EEF1AKMT1: variants seen among roughly 807,000 people sequenced by gnomAD.
EEF1AKMT1 encodes the protein EEF1A lysine methyltransferase 1.
Under a neutral mutation model 21.0 loss-of-function variants are expected in EEF1AKMT1, and 18 were observed. The observed-to-expected ratio is 0.86, with a 90% confidence interval of 0.59 to 1.27. The LOEUF is 1.27. Among genes scored for constraint, EEF1AKMT1 ranks in the 50% most tolerant of loss-of-function variants. The pLI, the probability that EEF1AKMT1 is intolerant of heterozygous loss-of-function variation, is 0.00. For synonymous variants in EEF1AKMT1, 109 were observed against 94.8 expected (o/e 1.15, Z -0.87); for missense variants, 246 against 258.6 (o/e 0.95, Z 0.33).
At chr13:20,731,789 C>A in intron 4 of EEF1AKMT1, 52 bp downstream of exon 4, 28 of 1,557,240 alleles carry the variant, frequency 1.8e-5, no homozygotes, top group Non-Finnish European at 2.4e-5. Flanking sequence ...ACCCTGAAGA[C>A]CTGAATAGCC....
At chr13:20,736,888 C>T (rs1430907963) in intron 3 of EEF1AKMT1, among the ~76,000 whole-genome samples, 2 of 151,536 alleles carry the variant, frequency 1.3e-5, no homozygotes, top group Non-Finnish European at 2.9e-5. Context: ...CAGGATGCAC[C>T]ACCACGCCCA....
At chr13:20,734,020 G>T (rs1595011471) in intron 3 of EEF1AKMT1, among the ~76,000 whole-genome samples, 1 of 152,242 alleles carries the variant, frequency 6.6e-6, no homozygotes, top group East Asian at 1.9e-4. Context: ...CTGCTGGCAG[G>T]ACACAACTCT....
At chr13:20,737,267 GGCAAGAGAATT>G (rs1367501331) in intron 3 of EEF1AKMT1, among the ~76,000 whole-genome samples, 5 of 152,082 alleles carry the variant, frequency 3.3e-5, no homozygotes, top group Non-Finnish European at 7.4e-5. Flanking sequence ...GGGAGGCTGA[GGCAAGAGAATT>G]GCTTGAATCT....
At chr13:20,765,415 T>TTTTTG (rs1566539272) in intron 1 of EEF1AKMT1, among the ~76,000 whole-genome samples, 6 of 127,618 alleles carry the variant, frequency 4.7e-5, no homozygotes, top group African/African-American at 1.8e-4. Flanking sequence ...GTTTTTTTTT[T>TTTTTG]TTTTTTTTTT....
intron 2 of EEF1AKMT1, among the ~76,000 whole-genome samples, chr13:20,739,178 G>T (rs2058851661): frequency 7.1e-6 from 1 of 140,096 alleles, no homozygotes; most frequent in African/African-American, 3.1e-5. Context: ...GTTGTTCTTT[G>T]CTCCCAGTGG....
At chr13:20,734,372 C>G (rs1251523029) in intron 3 of EEF1AKMT1, among the ~76,000 whole-genome samples, 3 of 152,000 alleles carry the variant, frequency 2.0e-5, no homozygotes, top group Non-Finnish European at 4.4e-5. Flanking sequence ...GTGTTGAAAG[C>G]CTAGCTTTGC....
chr13:20,754,913 A>T (rs976858828), intron 2 of EEF1AKMT1, among the ~76,000 whole-genome samples: 4 of 152,140 alleles, frequency 2.6e-5, no homozygotes, highest in African/African-American at 9.7e-5. Flanking sequence ...ATTAAAAAAA[A>T]AAATTGGCCA....
chr13:20,733,599 G>A (rs1474314166), intron 3 of EEF1AKMT1, among the ~76,000 whole-genome samples: 1 of 152,162 alleles, frequency 6.6e-6, no homozygotes, highest in Admixed American at 6.5e-5. Context: ...TGATCTCTGA[G>A]ATCTATTCAA....
At chr13:20,733,971 G>A (rs1293100113) in intron 3 of EEF1AKMT1, among the ~76,000 whole-genome samples, 2 of 152,176 alleles carry the variant, frequency 1.3e-5, no homozygotes, top group African/African-American at 4.8e-5. Context: ...AATAGAACCC[G>A]TGACATCGCA....
intron 3 of EEF1AKMT1, among the ~76,000 whole-genome samples, chr13:20,733,254 C>T (rs2058808674): frequency 6.6e-6 from 1 of 152,070 alleles, no homozygotes; most frequent in Non-Finnish European, 1.5e-5. Context: ...CGCCACCACG[C>T]CTGGCTAATT....
intron 3 of EEF1AKMT1, among the ~76,000 whole-genome samples, chr13:20,736,378 G>T (rs1019553757): frequency 5.3e-5 from 8 of 152,252 alleles, no homozygotes; most frequent in Admixed American, 5.2e-4. Flanking sequence ...AACACGAAAG[G>T]TTCTAAAAAC....
chr13:20,761,246 C>T (rs532933846), intron 1 of EEF1AKMT1, among the ~76,000 whole-genome samples: 2 of 152,316 alleles, frequency 1.3e-5, no homozygotes, highest in Non-Finnish European at 2.9e-5. Context: ...CCATCCTCTC[C>T]CACCTCAATC....
chr13:20,750,169 C>T (rs1256016796), intron 2 of EEF1AKMT1, among the ~76,000 whole-genome samples: 3 of 152,078 alleles, frequency 2.0e-5, no homozygotes, highest in African/African-American at 7.2e-5. Context: ...TTAGGGTATC[C>T]ATCACCTTGA....
chr13:20,763,118 TTG>T (rs2059009427), intron 1 of EEF1AKMT1, among the ~76,000 whole-genome samples: 2 of 152,234 alleles, frequency 1.3e-5, no homozygotes, highest in African/African-American at 4.8e-5. Flanking sequence ...GGTCTTTGTA[TTG>T]TCTTTGGTTT....
rs560028078 is a variant in EEF1AKMT1 at position 20,731,380 on chromosome 13, G to A, written c.508+461C>T. Among the ~76,000 whole-genome samples the A allele has an allele frequency of 5.9e-5, 9 of 152,228 alleles. No homozygotes were observed. The South Asian group carries it at 1.2e-3, about 21-fold the overall frequency. ...ACTTGGGAGGCTGAGGTGGGAGGAC[G>A]GCTTAGCCCAATGGTTTGAGGTTAC... On this transcript the variant is annotated intron_variant, in intron 4 of 4. Transcript: ENST00000382758.
intron 1 of EEF1AKMT1, among the ~76,000 whole-genome samples, chr13:20,771,405 A>C (rs952596075): frequency 1.4e-4 from 22 of 152,192 alleles, no homozygotes; most frequent in African/African-American, 5.3e-4. Context: ...CCAAAATGAA[A>C]GTATAAAGAG....
intron 3 of EEF1AKMT1, among the ~76,000 whole-genome samples, chr13:20,732,949 T>C (rs2058806081): frequency 6.6e-6 from 1 of 152,202 alleles, no homozygotes; most frequent in Non-Finnish European, 1.5e-5. Flanking sequence ...TTTGCTTCTT[T>C]TTTGTATAAG....
chr13:20,757,434 C>T, intron 2 of EEF1AKMT1, 21 bp downstream of exon 2: 1 of 1,613,012 alleles, frequency 6.2e-7, no homozygotes, highest in South Asian at 1.1e-5. Flanking sequence ...TTCCTGATGG[C>T]TGTGAAATGC....
intron 2 of EEF1AKMT1, among the ~76,000 whole-genome samples, chr13:20,745,091 T>C (rs1017204781): frequency 8.5e-5 from 13 of 152,250 alleles, no homozygotes; most frequent in Non-Finnish European, 1.6e-4. Flanking sequence ...ACTAGCCTTG[T>C]AGTATAGTTT....
Sources: gnomAD v4.1 joint callset for allele counts (sites outside exome capture counted in the v4.1 genomes callset) on GRCh38, gnomAD v4.1.1 for gene constraint, MANE v1.5 for transcripts, NCBI Gene and HGNC (gene_info 2026-07-23, HGNC 2026-07-21) for gene names.